MPPED2: variants seen among roughly 807,000 people sequenced by gnomAD.
The protein encoded by MPPED2 is metallophosphoesterase domain containing 2.
A neutral mutation model predicts 33.0 loss-of-function variants in MPPED2; 5 were observed. The observed-to-expected ratio is 0.15, with a 90% confidence interval of 0.08 to 0.32. The LOEUF (loss-of-function observed/expected upper bound fraction) is 0.32. Among genes scored for constraint, MPPED2 ranks in the 10% least tolerant of loss-of-function variants. MPPED2 has a pLI of 1.00. For synonymous variants in MPPED2, 136 were observed against 141.9 expected (o/e 0.96, Z 0.29); for missense variants, 275 against 372.1 (o/e 0.74, Z 2.15).
At position 30,411,805 on chromosome 11, in the gene MPPED2, T is replaced by G. The variant is rs150188391; in HGVS notation, c.767-219A>C. 2.9e-3 allele frequency among the ~76,000 whole-genome samples: 445 copies of G among 152,310 alleles called. 3 individuals are homozygous for G. The highest frequency in any genetic ancestry group is 9.8e-3 in the African/African-American group (408 of 41,564). ...TTCTCCTTCAACTAAGAGCAATTTT[T>G]TTTTCTTTATTTAAATGCTAAACTT... is the stretch of plus-strand genomic sequence containing the variant. On this transcript the variant is annotated intron_variant, in intron 6 of 6. Transcript: ENST00000358117.
At chr11:30,568,329 C>G (rs898859174) in intron 2 of MPPED2, among the ~76,000 whole-genome samples, 3 of 152,062 alleles carry the variant, frequency 2.0e-5, no homozygotes, top group Non-Finnish European at 4.4e-5. Context: ...GCAACAGTCA[C>G]TCTATTCTCA....
At chr11:30,390,076 T>G (rs546697245) in intron 6 of MPPED2, among the ~76,000 whole-genome samples, 1 of 152,376 alleles carries the variant, frequency 6.6e-6, no homozygotes, top group African/African-American at 2.4e-5. Context: ...TGCAGGCATC[T>G]AACTAGCATT....
intron 3 of MPPED2, among the ~76,000 whole-genome samples, chr11:30,514,734 G>A (rs1422724321): frequency 6.6e-6 from 1 of 152,178 alleles, no homozygotes; most frequent in South Asian, 2.1e-4. Flanking sequence ...CCCTGTAAAT[G>A]AAATCAAATG....
intron 4 of MPPED2, among the ~76,000 whole-genome samples, chr11:30,448,074 G>A (rs1402758045): frequency 6.6e-6 from 1 of 152,154 alleles, no homozygotes; most frequent in African/African-American, 2.4e-5. Context: ...CCTGTCTGTT[G>A]TCACCATTTA....
At chr11:30,487,221 C>A (rs564110157) in intron 4 of MPPED2, among the ~76,000 whole-genome samples, 2 of 152,328 alleles carry the variant, frequency 1.3e-5, no homozygotes, top group Admixed American at 1.3e-4. Context: ...AGCCAGCCAG[C>A]CATGTCCCAA....
intron 4 of MPPED2, among the ~76,000 whole-genome samples, chr11:30,459,019 G>A (rs1017855675): frequency 7.6e-6 from 1 of 131,856 alleles, no homozygotes; most frequent in East Asian, 2.4e-4. Flanking sequence ...TCCGCCTCCC[G>A]GGTTCACGCC....
intron 4 of MPPED2, among the ~76,000 whole-genome samples, chr11:30,434,730 T>C (rs968598175): frequency 6.7e-6 from 1 of 149,760 alleles, no homozygotes; most frequent in Admixed American, 6.6e-5. Flanking sequence ...TAAGAAGCTC[T>C]CAGTAAGTGA....
chr11:30,459,379 T>G (rs1235778547), intron 4 of MPPED2, among the ~76,000 whole-genome samples: 1 of 152,182 alleles, frequency 6.6e-6, no homozygotes, highest in Non-Finnish European at 1.5e-5. Flanking sequence ...GAATATCTGG[T>G]TTGAAATACA....
At chr11:30,451,993 G>T in intron 4 of MPPED2, 1 of 985,440 alleles carries the variant, frequency 1.0e-6, no homozygotes, top group South Asian at 4.7e-5. Context: ...GGAGGGAGCC[G>T]TAAAACGATT....
chr11:30,524,294 CAG>C (rs1216823113), intron 3 of MPPED2, among the ~76,000 whole-genome samples: 1 of 151,840 alleles, frequency 6.6e-6, no homozygotes, highest in East Asian at 1.9e-4. Flanking sequence ...AGAGAGAGAA[CAG>C]GGGAGAAAAC....
chr11:30,437,597 T>C (rs1949379482), intron 4 of MPPED2, among the ~76,000 whole-genome samples: 1 of 152,194 alleles, frequency 6.6e-6, no homozygotes. Flanking sequence ...AATACTAGCC[T>C]AAATCTAGTC....
chr11:30,411,661 G>A, intron 6 of MPPED2, 75 bp from the exon 7 acceptor site: 11 of 1,353,828 alleles, frequency 8.1e-6, no homozygotes, highest in Admixed American at 4.4e-5. Context: ...GTCAGGCAAG[G>A]AAAACAAAAA....
At chr11:30,533,975 A>G (rs1954676026) in intron 3 of MPPED2, among the ~76,000 whole-genome samples, 1 of 152,148 alleles carries the variant, frequency 6.6e-6, no homozygotes, top group Admixed American at 6.5e-5. Context: ...TTGATGGTTC[A>G]TTTGGCACAT....
intron 3 of MPPED2, among the ~76,000 whole-genome samples, chr11:30,531,885 C>T (rs1006352663): frequency 5.3e-5 from 8 of 152,138 alleles, no homozygotes; most frequent in Non-Finnish European, 1.2e-4. Context: ...GGCAGTTATT[C>T]GAAGAACCAT....
intron 2 of MPPED2, among the ~76,000 whole-genome samples, chr11:30,573,001 T>G (rs1466045818): frequency 6.6e-6 from 1 of 152,194 alleles, no homozygotes; most frequent in Non-Finnish European, 1.5e-5. Flanking sequence ...TTGCTAAATA[T>G]CAGAGCTGAT....
chr11:30,440,443 A>G (rs192439485), intron 4 of MPPED2, among the ~76,000 whole-genome samples: 2 of 152,244 alleles, frequency 1.3e-5, no homozygotes, highest in South Asian at 2.1e-4. Flanking sequence ...CAGAGACCAT[A>G]TGGGCCGTAA....
chr11:30,553,892 G>C (rs1955838406), intron 2 of MPPED2, among the ~76,000 whole-genome samples: 9 of 152,140 alleles, frequency 5.9e-5, no homozygotes, highest in Admixed American at 5.9e-4. Flanking sequence ...AAGCTGTCAG[G>C]GAGTCATATT....
intron 2 of MPPED2, among the ~76,000 whole-genome samples, chr11:30,568,160 T>C (rs1956528816): frequency 6.6e-6 from 1 of 152,236 alleles, no homozygotes; most frequent in Non-Finnish European, 1.5e-5. Flanking sequence ...CATTATCTTC[T>C]ATAACCCTCA....
chr11:30,560,591 T>A (rs1323911127), intron 2 of MPPED2, among the ~76,000 whole-genome samples: 1 of 152,128 alleles, frequency 6.6e-6, no homozygotes. Flanking sequence ...CCTAGCTCCG[T>A]AGAATGCCAC....
Sources: gnomAD v4.1 joint callset for allele counts (sites outside exome capture counted in the v4.1 genomes callset) on GRCh38, gnomAD v4.1.1 for gene constraint, MANE v1.5 for transcripts, NCBI Gene and HGNC (gene_info 2026-07-23, HGNC 2026-07-21) for gene names.